The following PDS5A variants were observed in gnomAD, a reference collection of about 807,000 sequenced individuals.
PDS5A encodes the protein PDS5 cohesin associated factor A, also known as sister chromatid cohesion protein PDS5 homolog A.
Under a neutral mutation model 167.1 loss-of-function variants are expected in PDS5A, and 42 were observed. That is an observed-to-expected ratio of 0.25 (90% CI 0.20 to 0.33). The LOEUF (loss-of-function observed/expected upper bound fraction) is 0.33, where lower values mean the gene tolerates loss of function less well. Among genes scored for constraint, PDS5A ranks in the 10% least tolerant of loss-of-function variants. The pLI is 1.00. For missense variants in PDS5A, 1,033 were observed against 1,605.9 expected (o/e 0.64, Z 6.10); for synonymous variants, 553 against 554.6 (o/e 1.00, Z 0.04).
At chr4:39,922,861 G>A in intron 5 of PDS5A, 113 bp from the exon 6 acceptor site, 1 of 1,234,376 alleles carries the variant, frequency 8.1e-7, no homozygotes, top group African/African-American at 1.5e-5. Flanking sequence ...ACATGTAAAG[G>A]ATTTTCACTT....
chr4:39,848,667 G>GT, intron 28 of PDS5A, 184 bp downstream of exon 28: 1 of 576,214 alleles, frequency 1.7e-6, no homozygotes, highest in Non-Finnish European at 3.1e-6. Flanking sequence ...AACAGTATGT[G>GT]TAGTCTTCTG....
At chr4:39,882,505 G>C (rs1189789558) in intron 17 of PDS5A, among the ~76,000 whole-genome samples, 1 of 152,158 alleles carries the variant, frequency 6.6e-6, no homozygotes, top group Non-Finnish European at 1.5e-5. Flanking sequence ...AGAAATCCTA[G>C]TCAACATTGC....
intron 18 of PDS5A, among the ~76,000 whole-genome samples, chr4:39,878,738 T>C (rs1720688509): frequency 6.6e-6 from 1 of 152,184 alleles, no homozygotes; most frequent in African/African-American, 2.4e-5. Context: ...ATTCTATTAA[T>C]GAAATGATTT....
chr4:39,868,484 A>G (rs1719741806), intron 22 of PDS5A, among the ~76,000 whole-genome samples: 1 of 152,172 alleles, frequency 6.6e-6, no homozygotes, highest in South Asian at 2.1e-4. Flanking sequence ...GTGCAACACC[A>G]TGCCTAGCTA....
intron 27 of PDS5A, among the ~76,000 whole-genome samples, chr4:39,849,246 G>T (rs562706320): frequency 6.6e-6 from 1 of 152,192 alleles, no homozygotes; most frequent in South Asian, 2.1e-4. Flanking sequence ...GCATTTGTCT[G>T]TAACTCTTAC....
In PDS5A at chr4:39,829,980, A is replaced by AAAAAG. The variant is rs1362774916; in HGVS notation, c.4011-4497_4011-4493dup. ...AAAAAAAAAAAAAAAAAAAAAAAAA[A>AAAAAG]AAAAGAAATTTCCAAGCTACCGCCA... is the stretch of plus-strand genomic sequence containing the variant. On this transcript the variant is annotated intron_variant, in intron 32 of 32. Coordinates refer to ENST00000303538, the MANE Select transcript of PDS5A (RefSeq NM_001100399.2). 5.8e-5 allele frequency among the ~76,000 whole-genome samples: 8 copies of AAAAAG among 138,076 alleles called. No individual in the cohort carries two copies. The South Asian group carries it at 1.9e-3, about 32-fold the overall frequency. The allele number at this position is 138,076 out of a possible 152,430, so 90.6% of individuals were successfully genotyped here.
chr4:39,888,854 A>G (rs1056199394), intron 17 of PDS5A, among the ~76,000 whole-genome samples: 3 of 152,198 alleles, frequency 2.0e-5, no homozygotes, highest in Non-Finnish European at 4.4e-5. Flanking sequence ...TGTTTTAGAG[A>G]TCGGTAGAGT....
chr4:39,855,727 C>T (rs1182570684), intron 26 of PDS5A, among the ~76,000 whole-genome samples: 3 of 151,798 alleles, frequency 2.0e-5, no homozygotes, highest in East Asian at 1.9e-4. Flanking sequence ...ATTCAATGGC[C>T]GACTACAGCA....
At chr4:39,867,772 A>ACG (rs1553892690) in intron 22 of PDS5A, among the ~76,000 whole-genome samples, 1 of 90,596 alleles carries the variant, frequency 1.1e-5, no homozygotes, top group African/African-American at 4.7e-5. Flanking sequence ...ACACACACAC[A>ACG]CACCCCACAA....
At chr4:39,959,048 TTTC>T (rs747801562) in intron 2 of PDS5A, among the ~76,000 whole-genome samples, 14 of 152,226 alleles carry the variant, frequency 9.2e-5, no homozygotes, top group Non-Finnish European at 2.1e-4. Flanking sequence ...TCTCTATGAA[TTTC>T]TTGACAATCA....
intron 11 of PDS5A, among the ~76,000 whole-genome samples, chr4:39,907,631 G>C (rs924552241): frequency 4.0e-5 from 6 of 149,314 alleles, no homozygotes; most frequent in African/African-American, 1.5e-4. Context: ...TTGTCACCCA[G>C]GCTGGAGTGC....
rs1389704822 is a variant in PDS5A at position 39,945,500 on chromosome 4, G to GCTAGT, written c.139-17341_139-17337dup. Among the ~76,000 whole-genome samples the GCTAGT allele has an allele frequency of 3.4e-5, 5 of 148,162 alleles. No individual in the cohort carries two copies. The East Asian group carries it at 1.0e-3, about 30-fold the overall frequency. On this transcript the variant is annotated intron_variant, in intron 2 of 32. Transcript: ENST00000303538. ...AAAAAAATTAAATGCAGGCAATGTA[G>GCTAGT]CTAGTCACTCACTGCTTAGTACTCT...
At chr4:39,883,395 G>T (rs1446785081) in intron 17 of PDS5A, among the ~76,000 whole-genome samples, 1 of 152,082 alleles carries the variant, frequency 6.6e-6, no homozygotes, top group Non-Finnish European at 1.5e-5. Flanking sequence ...TGGCCAGGCT[G>T]GTCTTGAACT....
chr4:39,924,392 A>C (rs2109725348), intron 5 of PDS5A, among the ~76,000 whole-genome samples: 1 of 152,382 alleles, frequency 6.6e-6, no homozygotes, highest in African/African-American at 2.4e-5. Context: ...CATTTACTTT[A>C]AGGGCTTACT....
rs1433177642 is a variant in PDS5A at position 39,842,937 on chromosome 4, A to ATATATATT, written c.3549-882_3549-881insAATATATA. 1.9e-4 allele frequency among the ~76,000 whole-genome samples: 26 copies of ATATATATT among 139,742 alleles called. 1 individual carries two copies. Among genetic ancestry groups the ATATATATT allele is most frequent in the African/African-American group, 7.1e-4 (26 of 36,366 alleles). The allele number at this position is 139,742 out of a possible 152,430, so 91.7% of individuals were successfully genotyped here. On this transcript the variant is annotated intron_variant, in intron 30 of 32. Transcript: ENST00000303538. ...TATATATATATATATATATATATAT[A>ATATATATT]TTTTAAGAGACAGGGTCTTAGGCTG...
chr4:39,848,752 T>A, intron 28 of PDS5A, 99 bp downstream of exon 28: 1 of 1,077,940 alleles, frequency 9.3e-7, no homozygotes, highest in South Asian at 1.4e-5. Context: ...TTTTCTTTAC[T>A]CTGTGGTCAA....
intron 26 of PDS5A, among the ~76,000 whole-genome samples, chr4:39,852,650 A>G (rs1430066931): frequency 6.6e-6 from 1 of 152,130 alleles, no homozygotes. Flanking sequence ...TTCAGCTTCT[A>G]TCATCCCCAA....
chr4:39,949,194 C>T (rs1274634068), intron 2 of PDS5A, among the ~76,000 whole-genome samples: 1 of 148,550 alleles, frequency 6.7e-6, no homozygotes, highest in Non-Finnish European at 1.5e-5. Context: ...CCCAGCTACT[C>T]AGGAAGCTGA....
In PDS5A at chr4:39,823,339, A is replaced by G. The variant is rs1291460730; in HGVS notation, c.*2146T>C. On this transcript the variant is annotated 3_prime_UTR_variant, in exon 33 of 33. Coordinates refer to ENST00000303538, the MANE Select transcript of PDS5A (RefSeq NM_001100399.2). ...TCATGTTACAAAATTGGGGTGGGCC[A>G]CTTACATCATACAAGGAGCAAATCC... 6.6e-6 allele frequency: 1 copy of G among 152,248 alleles called. No homozygotes were observed. The highest frequency in any genetic ancestry group is 2.4e-5 in the African/African-American group (1 of 41,470). 9.4% of individuals were successfully genotyped at this position (152,248 alleles called of 1,614,324 possible).
Sources: allele counts gnomAD v4.1 joint callset (sites outside exome capture counted in the v4.1 genomes callset), GRCh38; gene constraint gnomAD v4.1.1; transcripts MANE v1.5; gene names NCBI Gene and HGNC (gene_info 2026-07-23, HGNC 2026-07-21).